CLUH: variants seen among roughly 807,000 people sequenced by gnomAD.
CLUH encodes the protein CLUH binding protein of NUMT mRNA, also known as clustered mitochondria protein homolog.
A neutral mutation model predicts 139.3 loss-of-function variants in CLUH; 77 were observed. The ratio of observed to expected loss-of-function variants is 0.55; its 90% CI spans 0.46 to 0.67. The LOEUF is 0.67. Ranked by LOEUF, CLUH falls within the 30% of genes least tolerant of loss-of-function variation. The pLI is 0.00. For synonymous variants in CLUH, 999 were observed against 801.6 expected (o/e 1.25, Z -4.16); for missense variants, 1,876 against 1,875.8 (o/e 1.00, Z 0.00).
intron 19 of CLUH, among the ~76,000 whole-genome samples, chr17:2,693,549 G>A (rs947224391): frequency 1.3e-5 from 2 of 150,358 alleles, no homozygotes; most frequent in African/African-American, 2.4e-5. Context: ...CACCAGCCCC[G>A]GCCAGGCAGG....
chr17:2,697,794 C>T (rs1014006151), intron 10 of CLUH, 102 bp downstream of exon 10: 2 of 1,124,360 alleles, frequency 1.8e-6, no homozygotes, highest in Non-Finnish European at 2.4e-6. Flanking sequence ...CTTCTTCACT[C>T]TCCAGCGCTT....
rs1213529375 is a variant in CLUH, at chr17:2,692,191, C to T, written c.3561-94G>A. 5.5e-6 allele frequency: 8 copies of T among 1,456,338 alleles called. No homozygotes were observed. The East Asian group carries it at 1.5e-4, about 27-fold the overall frequency. The allele number at this position is 1,456,338 out of a possible 1,614,324, so 90.2% of individuals were successfully genotyped here. A position where few individuals can be genotyped will look rare whatever the true frequency, so the allele number is the denominator to read the frequency against. Reference sequence around the variant, plus strand: ...GGCCCGGGGTCTCCCGTAGATCCCTCCCTGGAAGCCACCGAGGGGAACAGC... The same window carrying T: ...GGCCCGGGGTCTCCCGTAGATCCCTTCCTGGAAGCCACCGAGGGGAACAGC... On this transcript the variant is annotated intron_variant, in intron 22 of 25. Transcript: ENST00000651024.
upstream of CLUH, chr17:2,711,786 G>A (rs531042529): frequency 6.0e-4 from 157 of 262,094 alleles, no homozygotes; most frequent in African/African-American, 3.5e-3. Context: ...TGCGCGCCGT[G>A]GCCTTTGACC....
intron 16 of CLUH, 134 bp from the exon 17 acceptor site, chr17:2,694,698 T>A (rs2069861340): frequency 2.3e-6 from 3 of 1,321,852 alleles, no homozygotes; most frequent in Non-Finnish European, 3.1e-6. Flanking sequence ...GCCTCCCGGC[T>A]GCCCTCACCC....
intron 13 of CLUH, chr17:2,695,810 A>G (rs565852874): frequency 2.9e-5 from 17 of 581,170 alleles, no homozygotes; most frequent in Non-Finnish European, 4.6e-5. Context: ...CTTGGAGGCC[A>G]CGGTGTTGGG....
At position 2,694,992 on chromosome 17, in the gene CLUH, T is replaced by C; in HGVS notation, c.2717A>G (p.Lys906Arg). 6.2e-7 allele frequency: 1 copy of C among 1,613,690 alleles called. No individual in the cohort carries two copies. The highest frequency in any genetic ancestry group is 1.1e-5 in the South Asian group (1 of 91,040). The change falls in exon 16 of 26, where the codon AAG becomes AGG. Residue 906 changes from lysine to arginine, a missense_variant. Coordinates refer to ENST00000651024, the MANE Select transcript of CLUH (RefSeq NM_001366661.1). ...GTTTTTCCTCCTCTTATTCCGCTTC[T>C]TGGAGACCAGCTCGTCGGCGGGCAG... Reference protein sequence around the residue: ...AHLPADELVSKKRNKRRKNRP... With the variant: ...AHLPADELVSRKRNKRRKNRP...
rs758747236 is a variant in CLUH at position 2,694,538 on chromosome 17, G to T, written c.2879C>A (p.Thr960Asn). 1.3e-6 allele frequency: 2 copies of T among 1,581,906 alleles called. No homozygotes were observed. The highest frequency in any genetic ancestry group is 2.3e-5 in the East Asian group (1 of 43,176). Residue 960 changes from threonine to asparagine, a missense_variant, in exon 17 of 26, where the codon ACC becomes AAC. Transcript: ENST00000651024. ...ECETVDQAVETYGLQKITLLR... is the reference protein window; with the variant it reads ...ECETVDQAVENYGLQKITLLR... ...GAGCGTTATCTTCTGCAGGCCGTAG[G>T]TCTCCACAGCCTGGTCCACGGTCTC... is the stretch of plus-strand genomic sequence containing the variant.
rs1040295463 is a variant in CLUH at position 2,693,060 on chromosome 17, G to A, written c.3232-200C>T. ...TGAAGGGCAGGTCACGCTCCACAGA[G>A]AGCTCCACACACCCATGTCTTACAC... On this transcript the variant is annotated intron_variant, in intron 19 of 25. Transcript: ENST00000651024. 1.9e-5 allele frequency: 7 copies of A among 359,786 alleles called. No individual in the cohort carries two copies. The South Asian group carries it at 3.8e-4, about 20-fold the overall frequency. 22.3% of individuals were successfully genotyped at this position (359,786 alleles called of 1,614,324 possible).
chr17:2,693,894 G>C lies in CLUH; in HGVS notation c.3231+6C>G, dbSNP rs772069960. 1.1e-5 allele frequency: 17 copies of C among 1,607,882 alleles called. No homozygotes were observed. The South Asian group carries it at 1.2e-4, about 12-fold the overall frequency. On this transcript the variant is annotated splice_donor_region_variant and intron_variant, in intron 19 of 25. Coordinates refer to ENST00000651024, the MANE Select transcript of CLUH (RefSeq NM_001366661.1). Reference sequence around the variant, plus strand: ...CAGGCCTTTGCTGCCACAGCCCAGAGGGTACCTCTGCGTAGTCGCCCATGA... The same window carrying C: ...CAGGCCTTTGCTGCCACAGCCCAGACGGTACCTCTGCGTAGTCGCCCATGA...
chr17:2,696,783 G>GCTA lies in CLUH; in HGVS notation c.2118_2120dup (p.Ser708dup). ...TCACCTTGGCCAGGCCGCTGGCGCT[G>GCTA]CTACCCTCCTCCTCACTTCCCGCCT... On this transcript the variant is annotated inframe_insertion, in exon 11 of 26. Transcript: ENST00000651024. 1.2e-6 allele frequency: 2 copies of GCTA among 1,613,046 alleles called. No individual in the cohort carries two copies. The highest frequency in any genetic ancestry group is 1.7e-6 in the Non-Finnish European group (2 of 1,179,886).
intron 25 of CLUH, 39 bp downstream of exon 25, chr17:2,691,568 ACC>A: frequency 6.3e-7 from 1 of 1,588,124 alleles, no homozygotes; most frequent in South Asian, 1.1e-5. Flanking sequence ...CTCACAAAAA[ACC>A]CCCAACCGGG....
intron 4 of CLUH, 60 bp from the exon 5 acceptor site, chr17:2,701,797 C>T: frequency 6.4e-7 from 1 of 1,561,046 alleles, no homozygotes; most frequent in Non-Finnish European, 8.7e-7. Context: ...GTCTCCCTAC[C>T]TCCTGATGGC....
rs534807908 is a variant in CLUH, at chr17:2,704,813, T to C, written c.101-249A>G. ...CCTGAACCCATGTCCCAAACCACTC[T>C]CCCCAGGGTCACCAAAGCCACCCTT... On this transcript the variant is annotated intron_variant, in intron 1 of 25. Transcript: ENST00000651024. The surrounding 1 kb of genome is among the most constrained non-coding windows in gnomAD (Gnocchi z 5.7). Among the ~76,000 whole-genome samples, 3 of 151,932 alleles carry C rather than the reference T, an allele frequency of 2.0e-5. No homozygotes were observed. The South Asian group carries it at 6.2e-4, about 32-fold the overall frequency.
intron 4 of CLUH, 30 bp from the exon 5 acceptor site, chr17:2,701,767 A>T (rs1355020440): frequency 6.4e-7 from 1 of 1,553,658 alleles, no homozygotes; most frequent in South Asian, 1.2e-5. Context: ...TGGTCAGCAC[A>T]GGGCCACCCA....
Position 2,697,878 on chromosome 17 carries a change from G to T in CLUH, c.1961+18C>A. ...CTGCAGCTGGCCCCGGCCCTGGTCC[G>T]GCAGGGCCGCCCCTCACCTGTGCTC... On this transcript the variant is annotated intron_variant, in intron 10 of 25. Transcript: ENST00000651024. The T allele has an allele frequency of 6.8e-7, 1 of 1,460,298 alleles. No homozygotes were observed. The highest frequency in any genetic ancestry group is 2.4e-5 in the Admixed American group (1 of 40,834). The allele number at this position is 1,460,298 out of a possible 1,614,324, so 90.5% of individuals were successfully genotyped here.
At chr17:2,694,819 C>A in intron 16 of CLUH, 38 bp downstream of exon 16, 1 of 1,460,674 alleles carries the variant, frequency 6.8e-7, no homozygotes, top group Non-Finnish European at 9.1e-7. Context: ...CTCATCTGCC[C>A]AATCCCACCC....
rs1485251680 is a variant in CLUH, at chr17:2,704,831, C to G, written c.101-267G>C. ...ACCACTCTCCCCAGGGTCACCAAAG[C>G]CACCCTTCAAGCCAAGCCCGAGGGT... is the stretch of plus-strand genomic sequence containing the variant. On this transcript the variant is annotated intron_variant, in intron 1 of 25. Transcript: ENST00000651024. This position sits in a 1 kb window ranked among gnomAD's most constrained non-coding sequence, Gnocchi z 5.7. 6.6e-6 allele frequency among the ~76,000 whole-genome samples: 1 copy of G among 152,168 alleles called. No homozygotes were observed. The highest frequency in any genetic ancestry group is 2.4e-5 in the African/African-American group (1 of 41,442).
In CLUH at chr17:2,700,844, G is replaced by C; in HGVS notation, c.1026-19C>G. 6.6e-7 allele frequency: 1 copy of C among 1,508,024 alleles called. No individual in the cohort carries two copies. The highest frequency in any genetic ancestry group is 8.8e-7 in the Non-Finnish European group (1 of 1,136,810). The allele number at this position is 1,508,024 out of a possible 1,614,324, so 93.4% of individuals were successfully genotyped here. Reference sequence around the variant, plus strand: ...CTGGACCCTGTGGCAGGCAGGGGAGGGGGAGATGGGGCAGCCCACCAAGCT... The same window carrying C: ...CTGGACCCTGTGGCAGGCAGGGGAGCGGGAGATGGGGCAGCCCACCAAGCT... On this transcript the variant is annotated intron_variant, in intron 7 of 25. Coordinates refer to ENST00000651024, the MANE Select transcript of CLUH (RefSeq NM_001366661.1).
chr17:2,698,264 C>T lies in CLUH; in HGVS notation c.1593G>A (p.Glu531=), dbSNP rs760115603. The T allele has an allele frequency of 6.2e-7, 1 of 1,609,218 alleles. No homozygotes were observed. The highest frequency in any genetic ancestry group is 2.2e-5 in the East Asian group (1 of 44,662). ...AGATGACGCTCTGCTCCTGGTCCCGCTCCAGGATGCCGGGGATGATGGACT... is the reference window on the plus strand; with the variant it reads ...AGATGACGCTCTGCTCCTGGTCCCGTTCCAGGATGCCGGGGATGATGGACT... ...TAQSIIPGIL[E]RDQEQSVIYG... Residue 531 remains glutamate, a synonymous_variant, in exon 10 of 26, where the codon GAG becomes GAA. Transcript: ENST00000651024.
Sources: allele counts gnomAD v4.1 joint callset (sites outside exome capture counted in the v4.1 genomes callset), GRCh38; gene constraint gnomAD v4.1.1; non-coding constraint Gnocchi (gnomAD v3.1); transcripts MANE v1.5; gene names NCBI Gene and HGNC (gene_info 2026-07-23, HGNC 2026-07-21).